The following WWOX variants were observed in gnomAD, a reference collection of about 807,000 sequenced individuals.
WWOX encodes the protein WW domain containing oxidoreductase.
In WWOX, 69 loss-of-function variants were observed where a neutral mutation model predicts 46.2. That is an observed-to-expected ratio of 1.49 (90% CI 1.23 to 1.82). The LOEUF (loss-of-function observed/expected upper bound fraction) is 1.82, where lower values mean the gene tolerates loss of function less well. WWOX is among the 40% of genes most tolerant of loss of function. The pLI, the probability that WWOX is intolerant of heterozygous loss-of-function variation, is 0.00. For missense variants in WWOX, 919 were observed against 542.6 expected (o/e 1.69, Z -6.89); for synonymous variants, 359 against 202.6 (o/e 1.77, Z -6.56).
At chr16:78,548,212 C>A (rs1030075729) in intron 8 of WWOX, among the ~76,000 whole-genome samples, 1 of 148,070 alleles carries the variant, frequency 6.8e-6, no homozygotes, top group Admixed American at 6.8e-5. Context: ...ACATTTAATC[C>A]GTAGTACTGA....
chr16:79,041,123 A>G (rs2047963163), intron 8 of WWOX, among the ~76,000 whole-genome samples: 1 of 152,112 alleles, frequency 6.6e-6, no homozygotes, highest in Non-Finnish European at 1.5e-5. Context: ...ATGTAATGTA[A>G]CACACCTATT....
chr16:79,024,590 T>A (rs1041396411), intron 8 of WWOX, among the ~76,000 whole-genome samples: 3 of 152,014 alleles, frequency 2.0e-5, no homozygotes, highest in Non-Finnish European at 4.4e-5. Flanking sequence ...CCCACCACCA[T>A]GCCTGGCTAA....
At chr16:78,966,629 T>A (rs1215301024) in intron 8 of WWOX, among the ~76,000 whole-genome samples, 1 of 152,188 alleles carries the variant, frequency 6.6e-6, no homozygotes, top group Non-Finnish European at 1.5e-5. Context: ...ATATAGTATG[T>A]ATTAATAATA....
At chr16:78,748,560 C>G (rs2049403129) in intron 8 of WWOX, among the ~76,000 whole-genome samples, 1 of 152,148 alleles carries the variant, frequency 6.6e-6, no homozygotes, top group South Asian at 2.1e-4. Flanking sequence ...CCATTGGAGA[C>G]CTCAGCTCTG....
At chr16:79,157,254 G>C (rs2050399601) in intron 8 of WWOX, among the ~76,000 whole-genome samples, 1 of 152,184 alleles carries the variant, frequency 6.6e-6, no homozygotes, top group Non-Finnish European at 1.5e-5. Flanking sequence ...CTGTCAGGAA[G>C]TGGTGGCCTT....
intron 5 of WWOX, among the ~76,000 whole-genome samples, chr16:78,247,015 G>C (rs1156400764): frequency 6.6e-6 from 1 of 152,112 alleles, no homozygotes; most frequent in African/African-American, 2.4e-5. Flanking sequence ...TTTCACACAA[G>C]AAAGAATGGC....
At chr16:78,202,844 T>C (rs867756833) in intron 5 of WWOX, among the ~76,000 whole-genome samples, 35 of 150,098 alleles carry the variant, frequency 2.3e-4, no homozygotes, top group Admixed American at 1.5e-3. Flanking sequence ...AAATGCTCCA[T>C]GTAGAAAAGA....
intron 5 of WWOX, among the ~76,000 whole-genome samples, chr16:78,314,688 G>GTTTT (rs375905643): frequency 3.6e-4 from 33 of 90,470 alleles, no homozygotes; most frequent in East Asian, 2.9e-3. Context: ...CCCTGCAGGG[G>GTTTT]TTTTTTTTTT....
At chr16:78,614,064 C>G (rs1597349399) in intron 8 of WWOX, among the ~76,000 whole-genome samples, 2 of 152,200 alleles carry the variant, frequency 1.3e-5, no homozygotes, top group African/African-American at 2.4e-5. Flanking sequence ...AGAAAATGCG[C>G]TGAACCTTGC....
chr16:78,544,024 C>T (rs1048869484), intron 8 of WWOX, among the ~76,000 whole-genome samples: 2 of 152,128 alleles, frequency 1.3e-5, no homozygotes, highest in African/African-American at 4.8e-5. Context: ...TTCAAAGCTT[C>T]TAGTAGTAGG....
chr16:78,208,709 G>C (rs2036470145), intron 5 of WWOX, among the ~76,000 whole-genome samples: 1 of 152,156 alleles, frequency 6.6e-6, no homozygotes, highest in African/African-American at 2.4e-5. Flanking sequence ...AAGAAATATA[G>C]TTTGAAGCTC....
chr16:78,781,629 C>T (rs935784258), intron 8 of WWOX, among the ~76,000 whole-genome samples: 3 of 152,150 alleles, frequency 2.0e-5, no homozygotes, highest in African/African-American at 7.2e-5. Flanking sequence ...TTTACAAAGA[C>T]ATGAATATTG....
At chr16:78,972,478 A>AG (rs902011578) in intron 8 of WWOX, among the ~76,000 whole-genome samples, 2 of 152,010 alleles carry the variant, frequency 1.3e-5, no homozygotes, top group African/African-American at 4.8e-5. Context: ...GTGAAAAAAA[A>AG]AAAAAATAAA....
chr16:79,208,191 A>T (rs1343081647), intron 8 of WWOX, among the ~76,000 whole-genome samples: 1 of 152,230 alleles, frequency 6.6e-6, no homozygotes, highest in Non-Finnish European at 1.5e-5. Context: ...GGCAGCTCAC[A>T]AATGTTTGAC....
chr16:78,240,376 C>T (rs2037600074), intron 5 of WWOX, among the ~76,000 whole-genome samples: 4 of 152,108 alleles, frequency 2.6e-5, no homozygotes, highest in South Asian at 4.1e-4. Context: ...GAGGAGAAGG[C>T]TCTGTGAAGT....
chr16:78,111,651 C>T (rs979288628), intron 3 of WWOX, among the ~76,000 whole-genome samples: 2 of 152,172 alleles, frequency 1.3e-5, no homozygotes, highest in Non-Finnish European at 2.9e-5. Flanking sequence ...CAGGCCTGCC[C>T]ACAGTCATCC....
At chr16:78,195,351 C>A (rs1228015556) in intron 5 of WWOX, among the ~76,000 whole-genome samples, 4 of 152,166 alleles carry the variant, frequency 2.6e-5, no homozygotes, top group Non-Finnish European at 5.9e-5. Flanking sequence ...GGAGATGTGA[C>A]TTTTCATCCC....
chr16:79,042,599 C>T (rs1462726789), intron 8 of WWOX, among the ~76,000 whole-genome samples: 2 of 152,104 alleles, frequency 1.3e-5, no homozygotes, highest in South Asian at 2.1e-4. Flanking sequence ...AAATTTGGAG[C>T]AAATTAACTA....
chr16:78,976,865 G>A (rs1391268520), intron 8 of WWOX, among the ~76,000 whole-genome samples: 1 of 152,176 alleles, frequency 6.6e-6, no homozygotes, highest in Admixed American at 6.5e-5. Context: ...AGGTTTGATA[G>A]CATCCAAAGT....
Sources: gnomAD v4.1 joint callset for allele counts (sites outside exome capture counted in the v4.1 genomes callset) on GRCh38, gnomAD v4.1.1 for gene constraint, MANE v1.5 for transcripts, NCBI Gene and HGNC (gene_info 2026-07-23, HGNC 2026-07-21) for gene names.